The following BMP2K variants were observed in gnomAD, a reference collection of about 807,000 sequenced individuals.
BMP2K encodes BMP-2-inducible protein kinase.
BMP2K carries 74 observed loss-of-function variants against 116.0 expected under a neutral mutation model. The observed-to-expected ratio is 0.64, with a 90% confidence interval of 0.53 to 0.77. The LOEUF is 0.77. Among genes scored for constraint, BMP2K ranks in the 30% least tolerant of loss-of-function variants. BMP2K has a pLI of 0.00. For missense variants in BMP2K, 1,365 were observed against 1,403.6 expected (o/e 0.97, Z 0.44); for synonymous variants, 486 against 502.5 (o/e 0.97, Z 0.44).
chr4:78,866,150 A>T (rs1302091718), intron 10 of BMP2K, among the ~76,000 whole-genome samples: 1 of 152,198 alleles, frequency 6.6e-6, no homozygotes, highest in Non-Finnish European at 1.5e-5. Flanking sequence ...ATCCATATGG[A>T]CATTACAACA....
intron 15 of BMP2K, among the ~76,000 whole-genome samples, chr4:78,902,139 T>A (rs769035213): frequency 2.6e-5 from 4 of 152,188 alleles, no homozygotes; most frequent in Non-Finnish European, 5.9e-5. Flanking sequence ...AGTTACGATA[T>A]ACTGAATTCC....
At chr4:78,796,747 T>A (rs1050099201) in intron 1 of BMP2K, among the ~76,000 whole-genome samples, 1 of 152,136 alleles carries the variant, frequency 6.6e-6, no homozygotes. Context: ...AACGGATGAT[T>A]GTGGTCTATA....
rs1434983075 is a variant in BMP2K at position 78,859,791 on chromosome 4, C to CA, written c.987+105dup. 8 of 748,500 alleles carry CA rather than the reference C, an allele frequency of 1.1e-5. No individual in the cohort carries two copies. The East Asian group carries it at 1.6e-4, about 15-fold the overall frequency. The allele number at this position is 748,500 out of a possible 1,614,324, so 46.4% of individuals were successfully genotyped here. ...TTTTTTTGTTGCTGTTGCTAAAACT[C>CA]AGAGTTTCTTGTTTCATGACAAGTG... On this transcript the variant is annotated intron_variant, in intron 8 of 15. Coordinates refer to ENST00000502613, the MANE Select transcript of BMP2K (RefSeq NM_198892.2).
At chr4:78,884,404 T>C (rs945402429) in intron 14 of BMP2K, among the ~76,000 whole-genome samples, 2 of 152,178 alleles carry the variant, frequency 1.3e-5, no homozygotes, top group Non-Finnish European at 2.9e-5. Flanking sequence ...ATGAATCAAG[T>C]AGACCTAATG....
At chr4:78,782,995 C>T (rs1439171219) in intron 1 of BMP2K, among the ~76,000 whole-genome samples, 1 of 152,190 alleles carries the variant, frequency 6.6e-6, no homozygotes, top group African/African-American at 2.4e-5. Context: ...CAGTACCTGA[C>T]AGTGCATTGC....
intron 15 of BMP2K, among the ~76,000 whole-genome samples, chr4:78,889,708 C>T (rs2110078513): frequency 6.6e-6 from 1 of 152,052 alleles, no homozygotes; most frequent in African/African-American, 2.4e-5. Flanking sequence ...GACTAGGACC[C>T]AAGAAAGGCA....
chr4:78,894,186 T>C (rs116357624), intron 15 of BMP2K, among the ~76,000 whole-genome samples: 1 of 152,218 alleles, frequency 6.6e-6, no homozygotes, highest in Admixed American at 6.5e-5. Flanking sequence ...GAATGGCAAG[T>C]AAGCATTGGT....
chr4:78,872,321 T>G lies in BMP2K; in HGVS notation c.1609-293T>G, dbSNP rs1577946673. 14 of 228,458 alleles carry G rather than the reference T, an allele frequency of 6.1e-5. 1 individual carries two copies. Among genetic ancestry groups the G allele is most frequent in the East Asian group, 4.0e-4 (5 of 12,568 alleles). 14.2% of individuals were successfully genotyped at this position (228,458 alleles called of 1,614,324 possible). A position where few individuals can be genotyped will look rare whatever the true frequency, so the allele number is the denominator to read the frequency against. ...ATTTGACCTTTTTTTTTTTTTTTTT[T>G]TTTTTTTTAACAGCAACCACTATAT... On this transcript the variant is annotated intron_variant, in intron 12 of 15. Transcript: ENST00000502613.
chr4:78,806,797 G>A (rs565955825), intron 1 of BMP2K, among the ~76,000 whole-genome samples: 1 of 146,766 alleles, frequency 6.8e-6, no homozygotes, highest in South Asian at 2.2e-4. Flanking sequence ...TTCCTAGTTT[G>A]TTGACTGTTG....
At chr4:78,837,121 C>T (rs1420829749) in intron 3 of BMP2K, among the ~76,000 whole-genome samples, 1 of 151,612 alleles carries the variant, frequency 6.6e-6, no homozygotes, top group Non-Finnish European at 1.5e-5. Flanking sequence ...TTGTTGGAAG[C>T]CTTCCTCTAT....
At chr4:78,790,295 G>T (rs992555145) in intron 1 of BMP2K, among the ~76,000 whole-genome samples, 2 of 152,090 alleles carry the variant, frequency 1.3e-5, no homozygotes, top group African/African-American at 4.8e-5. Flanking sequence ...TATTGTTTGG[G>T]TATAAAACTC....
chr4:78,869,192 G>A (rs554635778), intron 10 of BMP2K, among the ~76,000 whole-genome samples: 1 of 152,232 alleles, frequency 6.6e-6, no homozygotes, highest in South Asian at 2.1e-4. Flanking sequence ...TGACTTCTGT[G>A]CACCCACAGG....
At chr4:78,869,488 T>C (rs1490395379) in intron 10 of BMP2K, among the ~76,000 whole-genome samples, 1 of 152,180 alleles carries the variant, frequency 6.6e-6, no homozygotes, top group Non-Finnish European at 1.5e-5. Flanking sequence ...CAATATTTTG[T>C]ATAATTTCAA....
chr4:78,872,704 T>G lies in BMP2K; in HGVS notation c.1699T>G (p.Ser567Ala), dbSNP rs772295908. The G allele has an allele frequency of 1.3e-5, 21 of 1,614,066 alleles. No individual in the cohort carries two copies. Among genetic ancestry groups the G allele is most frequent in the Non-Finnish European group, 1.7e-5 (20 of 1,179,998 alleles). ...ACAGGCATCACCTGAATATCTTACC[T>G]CCCCTCAAGAGTTCTCACCAGCCTT... Reference protein sequence around the residue: ...QQQASPEYLTSPQEFSPALVS... With the variant: ...QQQASPEYLTAPQEFSPALVS... The change falls in exon 13 of 16, where the codon TCC becomes GCC. Residue 567 changes from serine to alanine, a missense_variant. Physicochemically the swap from Ser to Ala is moderately conservative, Grantham distance 99. This residue lies in a region of BMP2K where 762 missense variants were observed against 756.7 expected (regional missense o/e 1.01). Coordinates refer to ENST00000502613, the MANE Select transcript of BMP2K (RefSeq NM_198892.2).
chr4:78,873,197 T>A (rs771989635), intron 13 of BMP2K, among the ~76,000 whole-genome samples: 2 of 152,230 alleles, frequency 1.3e-5, no homozygotes, highest in Non-Finnish European at 2.9e-5. Flanking sequence ...TCATAAAGGT[T>A]GTATAATTTA....
chr4:78,823,701 T>C (rs1315271825), intron 1 of BMP2K, among the ~76,000 whole-genome samples: 2 of 151,592 alleles, frequency 1.3e-5, no homozygotes, highest in Non-Finnish European at 2.9e-5. Flanking sequence ...TGATTCAGAC[T>C]TGGGGCCAGA....
At chr4:78,820,505 A>AT (rs1369480067) in intron 1 of BMP2K, among the ~76,000 whole-genome samples, 1 of 151,542 alleles carries the variant, frequency 6.6e-6, no homozygotes, top group Non-Finnish European at 1.5e-5. Flanking sequence ...TCTTTGATAC[A>AT]TTTTTTTCTC....
chr4:78,801,938 CTCTT>C (rs762850882), intron 1 of BMP2K, among the ~76,000 whole-genome samples: 44 of 152,334 alleles, frequency 2.9e-4, no homozygotes, highest in Middle Eastern at 6.8e-3. Flanking sequence ...ATCTTTGTGA[CTCTT>C]TCTTGTATGT....
chr4:78,826,991 G>A (rs2110000683), intron 2 of BMP2K, among the ~76,000 whole-genome samples: 1 of 152,328 alleles, frequency 6.6e-6, no homozygotes, highest in Admixed American at 6.5e-5. Flanking sequence ...GCAATAAAGT[G>A]AATGTTGCAA....
Sources: allele counts gnomAD v4.1 joint callset (sites outside exome capture counted in the v4.1 genomes callset), GRCh38; gene constraint gnomAD v4.1.1; regional missense constraint gnomAD v4.1.1; transcripts MANE v1.5; gene names NCBI Gene and HGNC (gene_info 2026-07-23, HGNC 2026-07-21).